The following MBOAT4 variants were observed in gnomAD, a reference collection of about 807,000 sequenced individuals.
The protein encoded by MBOAT4 is membrane bound ghrelin O-acyltransferase MBOAT4, also known as membrane-bound ghrelin O-acyltransferase MBOAT4.
In MBOAT4, 11 loss-of-function variants were observed where a neutral mutation model predicts 13.2. The ratio of observed to expected loss-of-function variants is 0.84; its 90% CI spans 0.53 to 1.38. MBOAT4 has a LOEUF of 1.38. Among genes scored for constraint, MBOAT4 ranks in the 40% most tolerant of loss-of-function variants. The pLI, the probability that MBOAT4 is intolerant of heterozygous loss-of-function variation, is 0.00. For synonymous variants in MBOAT4, 202 were observed against 210.3 expected, an observed-to-expected ratio of 0.96 and a Z score of 0.34; for missense variants, 481 against 527.2, an observed-to-expected ratio of 0.91 and a Z score of 0.86.
At chr8:30,135,463 A>G (rs1374065496) in intron 2 of MBOAT4, among the ~76,000 whole-genome samples, 1 of 152,224 alleles carries the variant, frequency 6.6e-6, no homozygotes, top group Non-Finnish European at 1.5e-5. Flanking sequence ...CCCTGGCTGT[A>G]GGACTTTGCC....
At chr8:30,144,429 C>G in intron 1 of MBOAT4, 54 bp downstream of exon 1, 1 of 1,340,606 alleles carries the variant, frequency 7.5e-7, no homozygotes, top group Non-Finnish European at 1.0e-6. Context: ...AGCCACCGCA[C>G]CCAGTCACTA....
intron 1 of MBOAT4, among the ~76,000 whole-genome samples, chr8:30,140,380 G>A (rs926588948): frequency 1.3e-5 from 2 of 151,976 alleles, no homozygotes; most frequent in Non-Finnish European, 2.9e-5. Context: ...AAGCCATCGC[G>A]CCCGGCCACT....
chr8:30,142,065 TAGG>T (rs1803270295), intron 1 of MBOAT4, among the ~76,000 whole-genome samples: 1 of 152,214 alleles, frequency 6.6e-6, no homozygotes, highest in African/African-American at 2.4e-5. Flanking sequence ...GCAACTCCCC[TAGG>T]AGATTTATAA....
chr8:30,143,829 AT>A (rs568905786), intron 1 of MBOAT4, among the ~76,000 whole-genome samples: 164 of 152,372 alleles, frequency 1.1e-3, no homozygotes, highest in African/African-American at 3.8e-3. Flanking sequence ...AATTAGGACT[AT>A]TCAAGAATAT....
intron 2 of MBOAT4, among the ~76,000 whole-genome samples, chr8:30,135,759 T>A (rs766424376): frequency 6.6e-6 from 1 of 150,714 alleles, no homozygotes; most frequent in African/African-American, 2.4e-5. Flanking sequence ...ACAAAAAATA[T>A]GAAAATTAGC....
At chr8:30,134,421 C>CA (rs1222027889) in intron 2 of MBOAT4, among the ~76,000 whole-genome samples, 5 of 134,708 alleles carry the variant, frequency 3.7e-5, no homozygotes, top group African/African-American at 5.6e-5. Flanking sequence ...GACTGCATCT[C>CA]AAAAAAACAA....
chr8:30,132,989 G>A (rs16876564), intron 2 of MBOAT4, 83 bp from the exon 3 acceptor site: 38 of 1,363,418 alleles, frequency 2.8e-5, no homozygotes, highest in Admixed American at 1.7e-4. Context: ...ACATGATCTC[G>A]CAGGAAATAG....
intron 1 of MBOAT4, among the ~76,000 whole-genome samples, chr8:30,142,781 C>T (rs982453156): frequency 1.5e-4 from 23 of 152,338 alleles, no homozygotes; most frequent in Middle Eastern, 3.4e-3. Context: ...TGTCCCCCAA[C>T]TCCAATCTCC....
chr8:30,143,397 ATAT>A (rs1803296619), intron 1 of MBOAT4, among the ~76,000 whole-genome samples: 1 of 5,362 alleles, frequency 1.9e-4, no homozygotes, highest in African/African-American at 2.3e-4. Flanking sequence ...ATATATATAT[ATAT>A]AAAAATAAAT....
chr8:30,144,467 T>C lies in MBOAT4; in HGVS notation c.119+16A>G. ...GTATTTCTGGATGTAAGAGTAAAAA[T>C]AGCCATCCAGCCTACCTGGCACGAG... is the stretch of plus-strand genomic sequence containing the variant. On this transcript the variant is annotated intron_variant, in intron 1 of 2. Transcript: ENST00000320542. 1 of 1,507,416 alleles carries C rather than the reference T, an allele frequency of 6.6e-7. No individual in the cohort carries two copies. Among genetic ancestry groups the C allele is most frequent in the Non-Finnish European group, 9.0e-7 (1 of 1,107,642 alleles). 93.4% of individuals were successfully genotyped at this position (1,507,416 alleles called of 1,614,324 possible).
chr8:30,141,207 A>G (rs1480386528), intron 1 of MBOAT4, among the ~76,000 whole-genome samples: 1 of 152,120 alleles, frequency 6.6e-6, no homozygotes, highest in African/African-American at 2.4e-5. Context: ...CCTCTCTCAG[A>G]AGCCAAGGAG....
In MBOAT4 at chr8:30,132,942, CTG is replaced by C. The variant is rs1224356206; in HGVS notation, c.345-38_345-37del. The C allele has an allele frequency of 7.5e-6, 11 of 1,474,114 alleles. No homozygotes were observed. In the East Asian group the frequency reaches 9.9e-5, roughly 13 times the overall value. The allele number at this position is 1,474,114 out of a possible 1,614,324, so 91.3% of individuals were successfully genotyped here. On this transcript the variant is annotated intron_variant, in intron 2 of 2. Coordinates refer to ENST00000320542, the MANE Select transcript of MBOAT4 (RefSeq NM_001100916.2). ...ATTTTTTAAAGAACATAAAAACACT[CTG>C]TATTTATTCTCTCTCTCTTATTCCA...
Position 30,132,874 on chromosome 8 carries a change from A to G in MBOAT4, c.377T>C (p.Leu126Ser). The change falls in exon 3 of 3, where the codon TTG (leucine) becomes TCG (serine). Residue 126 changes from leucine to serine, a missense_variant. Physicochemically the swap from Leu to Ser is moderately radical, Grantham distance 145. Coordinates refer to ENST00000320542, the MANE Select transcript of MBOAT4 (RefSeq NM_001100916.2). Reference protein sequence around the residue: ...FCITLSSLMLLTQRVTSLSLD... With the variant: ...FCITLSSLMLSTQRVTSLSLD... ...AGAGAGGGACGTGACCCTCTGGGTC[A>G]AGAGCATGAGAGAAGAAAGAGTGAT... is the stretch of plus-strand genomic sequence containing the variant. 1 of 1,542,538 alleles carries G rather than the reference A, an allele frequency of 6.5e-7. No individual in the cohort carries two copies. Among genetic ancestry groups the G allele is most frequent in the Non-Finnish European group, 8.7e-7 (1 of 1,143,012 alleles).
chr8:30,138,245 C>T lies in MBOAT4; in HGVS notation c.344+287G>A, dbSNP rs73576725. 4.8e-3 allele frequency: 1,308 copies of T among 273,034 alleles called. 15 individuals are homozygous for T. The highest frequency in any genetic ancestry group is 0.026 in the African/African-American group (1,217 of 47,254). The allele number at this position is 273,034 out of a possible 1,614,324, so 16.9% of individuals were successfully genotyped here. A position where few individuals can be genotyped will look rare whatever the true frequency, so the allele number is the denominator to read the frequency against. ...CGCACAGCCAGCTCTCTGTGAATTACTCTTTCTTTACTGCAATTCCCCTGT... is the reference window on the plus strand; with the variant it reads ...CGCACAGCCAGCTCTCTGTGAATTATTCTTTCTTTACTGCAATTCCCCTGT... On this transcript the variant is annotated intron_variant, in intron 2 of 2. Coordinates refer to ENST00000320542, the MANE Select transcript of MBOAT4 (RefSeq NM_001100916.2).
chr8:30,140,728 C>T (rs1407229098), intron 1 of MBOAT4, among the ~76,000 whole-genome samples: 3 of 152,180 alleles, frequency 2.0e-5, no homozygotes, highest in Admixed American at 6.5e-5. Context: ...AGGGTGACCA[C>T]GACCGTATGT....
chr8:30,139,079 C>T (rs1407873932), intron 1 of MBOAT4, among the ~76,000 whole-genome samples: 2 of 151,698 alleles, frequency 1.3e-5, no homozygotes, highest in Non-Finnish European at 2.9e-5. Flanking sequence ...CTCAAGTGAT[C>T]CTCCTACCTG....
chr8:30,137,649 C>G (rs1803178228), intron 2 of MBOAT4: 2 of 639,452 alleles, frequency 3.1e-6, no homozygotes, highest in South Asian at 3.9e-5. Flanking sequence ...ACCTAACCAA[C>G]TCCATCTTGC....
chr8:30,141,027 G>A (rs1803252937), intron 1 of MBOAT4, among the ~76,000 whole-genome samples: 1 of 151,968 alleles, frequency 6.6e-6, no homozygotes, highest in African/African-American at 2.4e-5. Context: ...TTTTTGTAGA[G>A]ATGGGGATTT....
chr8:30,144,193 G>A (rs1803310793), intron 1 of MBOAT4, among the ~76,000 whole-genome samples: 1 of 150,964 alleles, frequency 6.6e-6, no homozygotes, highest in East Asian at 1.9e-4. Context: ...GGAGTGCAAT[G>A]GCGCCATCTC....
Sources: allele counts gnomAD v4.1 joint callset (sites outside exome capture counted in the v4.1 genomes callset), GRCh38; gene constraint gnomAD v4.1.1; transcripts MANE v1.5; gene names NCBI Gene and HGNC (gene_info 2026-07-23, HGNC 2026-07-21).